The following TRAK1 variants were observed in gnomAD, a reference collection of about 807,000 sequenced individuals.
The protein encoded by TRAK1 is trafficking kinesin-binding protein 1.
A neutral mutation model predicts 92.1 loss-of-function variants in TRAK1; 33 were observed. That is an observed-to-expected ratio of 0.36 (90% CI 0.27 to 0.48). The LOEUF (loss-of-function observed/expected upper bound fraction) is 0.48. TRAK1 is among the 20% of genes least tolerant of loss of function. TRAK1 has a pLI of 0.99. For synonymous variants in TRAK1, 521 were observed against 517.3 expected (o/e 1.01, Z -0.10); for missense variants, 1,123 against 1,257.9 (o/e 0.89, Z 1.62).
chr3:42,131,263 G>A (rs1168066906), intron 2 of TRAK1, among the ~76,000 whole-genome samples: 2 of 152,024 alleles, frequency 1.3e-5, no homozygotes, highest in Non-Finnish European at 2.9e-5. Context: ...CTCCCTTCTG[G>A]TCACTCTCCT....
chr3:42,053,573 A>G (rs1576190548), intron 1 of TRAK1, among the ~76,000 whole-genome samples: 1 of 151,982 alleles, frequency 6.6e-6, no homozygotes, highest in African/African-American at 2.4e-5. Flanking sequence ...TATGGAAGCC[A>G]CTGCCTCCTC....
intron 1 of TRAK1, among the ~76,000 whole-genome samples, chr3:42,100,156 T>C (rs1189187481): frequency 6.6e-6 from 1 of 152,134 alleles, no homozygotes; most frequent in Non-Finnish European, 1.5e-5. Flanking sequence ...GCCAAGGAAT[T>C]TGAAGCCAGC....
At chr3:42,081,753 A>T (rs1553096) in intron 1 of TRAK1, among the ~76,000 whole-genome samples, 6,194 of 152,298 alleles carry the variant, frequency 0.041, 421 homozygotes, top group African/African-American at 0.14. Context: ...GGAAATTATA[A>T]TGTTAATGAC....
At chr3:42,118,054 G>C (rs1358595583) in intron 1 of TRAK1, among the ~76,000 whole-genome samples, 1 of 151,886 alleles carries the variant, frequency 6.6e-6, no homozygotes, top group East Asian at 1.9e-4. Context: ...TCCTGACCTT[G>C]TGATCCGCCC....
Position 42,188,162 on chromosome 3 carries a change from C to T in TRAK1, c.581+17C>T, listed in dbSNP as rs370597165. The T allele has an allele frequency of 6.2e-7, 1 of 1,612,404 alleles. No individual in the cohort carries two copies. The highest frequency in any genetic ancestry group is 8.5e-7 in the Non-Finnish European group (1 of 1,178,596). Reference sequence around the variant, plus strand: ...CTCAACCCCGTAAGTCACCAGAGGGCTGTATTTCTGGAGGCCAGAGCACAG... The same window carrying T: ...CTCAACCCCGTAAGTCACCAGAGGGTTGTATTTCTGGAGGCCAGAGCACAG... On this transcript the variant is annotated intron_variant, in intron 5 of 15. Coordinates refer to ENST00000327628, the MANE Select transcript of TRAK1 (RefSeq NM_001042646.3).
rs745633519 is a variant in TRAK1 at position 42,191,582 on chromosome 3, A to G, written c.715A>G (p.Ile239Val). 1.2e-6 allele frequency: 2 copies of G among 1,601,922 alleles called. No individual in the cohort carries two copies. The highest frequency in any genetic ancestry group is 2.3e-5 in the South Asian group (2 of 88,158). ...SEASQLKTET[I>V]TYEEKEQQLV... Reference sequence around the variant, plus strand: ...GGCCAGCCAGCTGAAGACAGAGACCATCACCTATGAGGAGAAGGAGCAGCA... The same window carrying G: ...GGCCAGCCAGCTGAAGACAGAGACCGTCACCTATGAGGAGAAGGAGCAGCA... Residue 239 changes from isoleucine (I) to valine (V), a missense_variant, in exon 7 of 16, where the codon ATC (isoleucine) becomes GTC (valine). Around this residue, in one of 3 missense-constraint regions of TRAK1, gnomAD observed 686 missense variants for 747.6 expected, o/e 0.92. Transcript: ENST00000327628.
chr3:42,205,182 T>G (rs1708187157), intron 13 of TRAK1, among the ~76,000 whole-genome samples: 1 of 152,202 alleles, frequency 6.6e-6, no homozygotes, highest in Non-Finnish European at 1.5e-5. Context: ...AAATGTTGGC[T>G]TCCCAAGCTT....
At position 42,125,454 on chromosome 3, in the gene TRAK1, G is replaced by T; in HGVS notation, c.126G>T (p.Glu42Asp). ...ACAGCACCGATCTTCCGGAAGTCGA[G>T]ATCATTAGCCTGCTGGAGGAGCAGC... is the stretch of plus-strand genomic sequence containing the variant. ...VCNSTDLPEV[E>D]IISLLEEQLP... The change falls in exon 2 of 16, where the codon GAG becomes GAT. Residue 42 changes from glutamate to aspartate, a missense_variant. By Grantham distance (45) the Glu-to-Asp change is conservative. Coordinates refer to ENST00000327628, the MANE Select transcript of TRAK1 (RefSeq NM_001042646.3). The T allele has an allele frequency of 1.9e-6, 3 of 1,614,164 alleles. No homozygotes were observed. The highest frequency in any genetic ancestry group is 2.5e-6 in the Non-Finnish European group (3 of 1,180,014).
rs1300222273 is a variant in TRAK1 at position 42,217,368 on chromosome 3, C to T, written c.1964-2126C>T. Reference sequence around the variant, plus strand: ...TTTAGCACTTTGGAAACTTGTTGATCTTCCTTGGTCTTCTACGGCTATTCA... The same window carrying T: ...TTTAGCACTTTGGAAACTTGTTGATTTTCCTTGGTCTTCTACGGCTATTCA... On this transcript the variant is annotated intron_variant, in intron 14 of 15. Coordinates refer to ENST00000327628, the MANE Select transcript of TRAK1 (RefSeq NM_001042646.3). 4.1e-6 allele frequency: 4 copies of T among 985,254 alleles called. No homozygotes were observed. In the Admixed American group the frequency reaches 2.5e-4, roughly 61 times the overall value. The allele number at this position is 985,254 out of a possible 1,614,324, so 61.0% of individuals were successfully genotyped here.
In TRAK1 at chr3:42,220,527, A is replaced by G. The variant is rs564381924; in HGVS notation, c.2066+931A>G. On this transcript the variant is annotated intron_variant, in intron 15 of 15. Transcript: ENST00000327628. The stretch of plus-strand genomic sequence containing the variant: ...ATGTGAGGAGGACGACGAAGCAGCC[A>G]TATGCCCCGTTGAGCTGAGAGGAGA... The G allele has an allele frequency of 7.8e-5, 77 of 985,412 alleles. No individual in the cohort carries two copies. In the African/African-American group the frequency reaches 1.2e-3, roughly 16 times the overall value. 61.0% of individuals were successfully genotyped at this position (985,412 alleles called of 1,614,324 possible). A position where few individuals can be genotyped will look rare whatever the true frequency, so the allele number is the denominator to read the frequency against.
rs1708174977 is a variant in TRAK1 at position 42,205,098 on chromosome 3, A to G, written c.1744+2346A>G. 4.6e-5 allele frequency among the ~76,000 whole-genome samples: 7 copies of G among 152,314 alleles called. No homozygotes were observed. In the South Asian group the frequency reaches 1.5e-3, roughly 32 times the overall value. ...GTGGTTGTGAAATAGGCTGATAGCC[A>G]TCAGACCAGACTGTGGTGAGGAGTA... On this transcript the variant is annotated intron_variant, in intron 13 of 15. Transcript: ENST00000327628.
rs529040763 is a variant in TRAK1, at chr3:42,207,605, T to C, written c.1745-2162T>C. ...CCTAGGATGGTTTCAAGGAGTGAGC[T>C]GATATAATACATGTAAAACAAACTG... On this transcript the variant is annotated intron_variant, in intron 13 of 15. Coordinates refer to ENST00000327628, the MANE Select transcript of TRAK1 (RefSeq NM_001042646.3). 2.6e-5 allele frequency among the ~76,000 whole-genome samples: 4 copies of C among 152,292 alleles called. No individual in the cohort carries two copies. The East Asian group carries it at 7.7e-4, about 29-fold the overall frequency.
intron 2 of TRAK1, among the ~76,000 whole-genome samples, chr3:42,169,892 A>G (rs1196661114): frequency 1.3e-5 from 2 of 152,210 alleles, no homozygotes; most frequent in East Asian, 1.9e-4. Context: ...ACACTTGGAT[A>G]GGGTGTCAGC....
chr3:42,096,031 CAGTCCCCAAAGCTGGG>C (rs2148991217), intron 1 of TRAK1, among the ~76,000 whole-genome samples: 1 of 152,302 alleles, frequency 6.6e-6, no homozygotes, highest in South Asian at 2.1e-4. Flanking sequence ...TTGGACTTGT[CAGTCCCCAAAGCTGGG>C]AGAAATAAAT....
intron 13 of TRAK1, among the ~76,000 whole-genome samples, chr3:42,206,395 T>C (rs1708337561): frequency 6.6e-6 from 1 of 152,138 alleles, no homozygotes; most frequent in Non-Finnish European, 1.5e-5. Context: ...TTCAGTTGTG[T>C]TATTGACTAG....
intron 14 of TRAK1, chr3:42,212,469 T>C: frequency 1.0e-6 from 1 of 985,440 alleles, no homozygotes; most frequent in Non-Finnish European, 1.2e-6. Flanking sequence ...AGAAAAAGTT[T>C]TAAGCACTGA....
At chr3:42,035,371 G>T (rs1236461953) in intron 1 of TRAK1, among the ~76,000 whole-genome samples, 1 of 152,134 alleles carries the variant, frequency 6.6e-6, no homozygotes, top group African/African-American at 2.4e-5. Flanking sequence ...TCTTGGTTCA[G>T]ACCTGTCTCC....
intron 1 of TRAK1, among the ~76,000 whole-genome samples, chr3:42,072,133 G>A (rs756645966): frequency 5.3e-5 from 8 of 152,142 alleles, no homozygotes; most frequent in African/African-American, 1.2e-4. Flanking sequence ...AGTATTAAGC[G>A]TCCGGAGGCC....
chr3:42,033,475 G>A (rs1702223544), intron 1 of TRAK1, among the ~76,000 whole-genome samples: 1 of 152,130 alleles, frequency 6.6e-6, no homozygotes, highest in Non-Finnish European at 1.5e-5. Context: ...TGTGGTCTTA[G>A]CTATTGAGGG....
Sources: allele counts gnomAD v4.1 joint callset (sites outside exome capture counted in the v4.1 genomes callset), GRCh38; gene constraint gnomAD v4.1.1; regional missense constraint gnomAD v4.1.1; transcripts MANE v1.5; gene names NCBI Gene and HGNC (gene_info 2026-07-23, HGNC 2026-07-21).